The following ROR2 variants were observed in gnomAD, a reference collection of about 807,000 sequenced individuals.
The protein encoded by ROR2 is ROR family WNT receptor 2, also known as tyrosine-protein kinase transmembrane receptor ROR2.
A neutral mutation model predicts 74.9 loss-of-function variants in ROR2; 33 were observed. The ratio of observed to expected loss-of-function variants is 0.44; its 90% CI spans 0.33 to 0.59. ROR2 has a LOEUF of 0.59. ROR2 is among the 20% of genes least tolerant of loss of function. The pLI is 0.02. For synonymous variants in ROR2, 586 were observed against 558.7 expected, an observed-to-expected ratio of 1.05 and a Z score of -0.69; for missense variants, 1,216 against 1,313.8, an observed-to-expected ratio of 0.93 and a Z score of 1.15.
At chr9:91,930,534 C>A (rs1199658814) in intron 1 of ROR2, among the ~76,000 whole-genome samples, 1 of 152,226 alleles carries the variant, frequency 6.6e-6, no homozygotes, top group African/African-American at 2.4e-5. Context: ...CACTCTTCTG[C>A]AGAAGTAAAT....
intron 3 of ROR2, among the ~76,000 whole-genome samples, chr9:91,756,811 C>T (rs1323157299): frequency 5.0e-5 from 7 of 139,280 alleles, no homozygotes; most frequent in South Asian, 2.2e-4. Flanking sequence ...AATGCAATGG[C>T]GTGATCTCGG....
At chr9:91,772,122 C>T (rs932695964) in intron 2 of ROR2, among the ~76,000 whole-genome samples, 1 of 152,276 alleles carries the variant, frequency 6.6e-6, no homozygotes, top group East Asian at 1.9e-4. Flanking sequence ...AGTAGAAGGA[C>T]GGGTGGAGTG....
At chr9:91,946,296 A>G (rs1011448328) in intron 1 of ROR2, among the ~76,000 whole-genome samples, 4 of 152,254 alleles carry the variant, frequency 2.6e-5, no homozygotes, top group African/African-American at 9.6e-5. Context: ...GCTCCCAAAA[A>G]GGAAATATCC....
intron 1 of ROR2, among the ~76,000 whole-genome samples, chr9:91,910,954 G>A (rs188696786): frequency 6.6e-6 from 1 of 152,278 alleles, no homozygotes; most frequent in African/African-American, 2.4e-5. Flanking sequence ...GTTAGCCACC[G>A]CGCCCAGCCA....
chr9:91,841,112 G>A (rs1828770147), intron 1 of ROR2, among the ~76,000 whole-genome samples: 1 of 152,196 alleles, frequency 6.6e-6, no homozygotes, highest in African/African-American at 2.4e-5. Flanking sequence ...CCCATCAGTT[G>A]ACCGCCCTTG....
intron 2 of ROR2, among the ~76,000 whole-genome samples, chr9:91,761,566 G>A (rs57810120): frequency 0.053 from 8,055 of 152,094 alleles, 292 homozygotes; most frequent in East Asian, 0.1. Context: ...AGGAGGTGGC[G>A]CTCAGGTGGT....
intron 1 of ROR2, among the ~76,000 whole-genome samples, chr9:91,805,034 C>T (rs997833599): frequency 1.2e-4 from 19 of 152,188 alleles, no homozygotes; most frequent in African/African-American, 1.9e-4. Flanking sequence ...CATGGTAGGA[C>T]GAAAGTAGTA....
intron 1 of ROR2, among the ~76,000 whole-genome samples, chr9:91,814,572 A>G (rs1273202196): frequency 6.6e-6 from 1 of 152,232 alleles, no homozygotes; most frequent in Non-Finnish European, 1.5e-5. Flanking sequence ...AAAGCAGACC[A>G]GCTGTTACAT....
At chr9:91,743,911 A>G (rs1825324280) in intron 4 of ROR2, among the ~76,000 whole-genome samples, 1 of 152,242 alleles carries the variant, frequency 6.6e-6, no homozygotes, top group Non-Finnish European at 1.5e-5. Flanking sequence ...GTGAAAACAA[A>G]TGTTCATGGC....
At chr9:91,875,803 G>C (rs1829939584) in intron 1 of ROR2, among the ~76,000 whole-genome samples, 1 of 152,124 alleles carries the variant, frequency 6.6e-6, no homozygotes, top group South Asian at 2.1e-4. Flanking sequence ...TTTGCATGGG[G>C]AGTGCCACTA....
chr9:91,801,322 T>G (rs1244121815), intron 1 of ROR2, among the ~76,000 whole-genome samples: 3 of 152,130 alleles, frequency 2.0e-5, no homozygotes, highest in South Asian at 4.1e-4. Context: ...TAAATAAAAT[T>G]TGCACGCTTT....
chr9:91,860,198 A>C (rs1423627147), intron 1 of ROR2, among the ~76,000 whole-genome samples: 1 of 152,102 alleles, frequency 6.6e-6, no homozygotes, highest in Non-Finnish European at 1.5e-5. Flanking sequence ...GGTGAGAGAG[A>C]AGCTGTGGGG....
rs995668691 is a variant in ROR2 at position 91,905,293 on chromosome 9, CCA to C, written c.97+44572_97+44573del. On this transcript the variant is annotated intron_variant, in intron 1 of 8. Transcript: ENST00000375708. The surrounding 1 kb of genome is among the most constrained non-coding windows in gnomAD (Gnocchi z 5.3). ...CCACACAAATTCAGCACACACAATA[CCA>C]CACACCAGACACACCACACACATAC... Among the ~76,000 whole-genome samples the C allele has an allele frequency of 1.3e-4, 19 of 151,172 alleles. No homozygotes were observed. Among genetic ancestry groups the C allele is most frequent in the Middle Eastern group, 3.4e-3 (1 of 292 alleles).
chr9:91,862,892 ACT>A (rs1373615105), intron 1 of ROR2, among the ~76,000 whole-genome samples: 1 of 152,302 alleles, frequency 6.6e-6, no homozygotes, highest in African/African-American at 2.4e-5. Flanking sequence ...AAAAAAGGCA[ACT>A]CTGTCAAAAT....
intron 1 of ROR2, among the ~76,000 whole-genome samples, chr9:91,842,153 G>C (rs1828800653): frequency 6.6e-6 from 1 of 152,122 alleles, no homozygotes; most frequent in African/African-American, 2.4e-5. Flanking sequence ...AGAAAGGAGA[G>C]AAAAAGCATA....
intron 1 of ROR2, among the ~76,000 whole-genome samples, chr9:91,822,918 G>A (rs1297275671): frequency 1.3e-5 from 2 of 152,110 alleles, no homozygotes; most frequent in African/African-American, 4.8e-5. Context: ...CAAACACAAG[G>A]GCAGAGAAAG....
chr9:91,936,126 T>G (rs1831679727), intron 1 of ROR2, among the ~76,000 whole-genome samples: 1 of 152,182 alleles, frequency 6.6e-6, no homozygotes, highest in African/African-American at 2.4e-5. Flanking sequence ...AGTTTAGCAG[T>G]AGAACCTTTT....
intron 1 of ROR2, among the ~76,000 whole-genome samples, chr9:91,930,750 G>C (rs960599140): frequency 2.0e-5 from 3 of 152,324 alleles, no homozygotes; most frequent in Non-Finnish European, 4.4e-5. Flanking sequence ...ACACCTATAA[G>C]CGGTGTTCCT....
intron 2 of ROR2, among the ~76,000 whole-genome samples, chr9:91,770,892 A>G (rs1826205749): frequency 6.6e-6 from 1 of 152,204 alleles, no homozygotes; most frequent in Non-Finnish European, 1.5e-5. Flanking sequence ...AGCACACACA[A>G]TAATTCGGCC....
Sources: gnomAD v4.1 joint callset for allele counts (sites outside exome capture counted in the v4.1 genomes callset) on GRCh38, gnomAD v4.1.1 for gene constraint, Gnocchi (gnomAD v3.1) non-coding constraint, MANE v1.5 for transcripts, NCBI Gene and HGNC (gene_info 2026-07-23, HGNC 2026-07-21) for gene names.